The following KIF26B variants were observed in gnomAD, a reference collection of about 807,000 sequenced individuals.
KIF26B encodes the protein kinesin-like protein KIF26B.
In KIF26B, 63 loss-of-function variants were observed where a neutral mutation model predicts 151.2. The ratio of observed to expected loss-of-function variants is 0.42; its 90% CI spans 0.34 to 0.51. KIF26B has a LOEUF of 0.51. Ranked by LOEUF, KIF26B falls within the 20% of genes least tolerant of loss-of-function variation. The pLI is 0.07. For synonymous variants in KIF26B, 1,357 were observed against 1,262.1 expected, an observed-to-expected ratio of 1.08 and a Z score of -1.59; for missense variants, 2,813 against 2,913.6, an observed-to-expected ratio of 0.97 and a Z score of 0.79.
Position 245,708,199 on chromosome 1 carries a change from G to A in KIF26B, c.*5593G>A, listed in dbSNP as rs977498862. The A allele has an allele frequency of 6.6e-6, 1 of 152,228 alleles. No homozygotes were observed. The highest frequency in any genetic ancestry group is 1.5e-5 in the Non-Finnish European group (1 of 68,062). The allele number at this position is 152,228 out of a possible 1,614,324, so 9.4% of individuals were successfully genotyped here. A position where few individuals can be genotyped will look rare whatever the true frequency, so the allele number is the denominator to read the frequency against. ...GCCTCAGGTTCCCGAGTGGAAGACTGGGGGTCAGAACAGCTGCCCTTCTGG... is the reference window on the plus strand; with the variant it reads ...GCCTCAGGTTCCCGAGTGGAAGACTAGGGGTCAGAACAGCTGCCCTTCTGG... On this transcript the variant is annotated 3_prime_UTR_variant, in exon 15 of 15. Transcript: ENST00000407071.
chr1:245,408,544 G>C (rs545504569), intron 3 of KIF26B, among the ~76,000 whole-genome samples: 2 of 151,856 alleles, frequency 1.3e-5, no homozygotes, highest in Non-Finnish European at 2.9e-5. Context: ...TAGTAGAGAC[G>C]GGGTTTCACC....
intron 4 of KIF26B, among the ~76,000 whole-genome samples, chr1:245,487,933 C>T (rs1189802310): frequency 1.3e-5 from 2 of 152,020 alleles, no homozygotes; most frequent in South Asian, 2.1e-4. Context: ...GGATTATAGG[C>T]GCCTGCCACC....
intron 2 of KIF26B, among the ~76,000 whole-genome samples, chr1:245,305,821 C>T (rs564460456): frequency 6.6e-5 from 10 of 151,392 alleles, no homozygotes; most frequent in South Asian, 2.1e-4. Context: ...GCCTGTAGTC[C>T]CAGCTACTCG....
intron 2 of KIF26B, among the ~76,000 whole-genome samples, chr1:245,248,675 T>A (rs1010759858): frequency 6.6e-6 from 1 of 152,204 alleles, no homozygotes; most frequent in African/African-American, 2.4e-5. Context: ...CCTCGTAAAA[T>A]CTCTCTTTAA....
At chr1:245,350,519 C>A (rs1159704642) in intron 2 of KIF26B, among the ~76,000 whole-genome samples, 7 of 152,112 alleles carry the variant, frequency 4.6e-5, no homozygotes, top group Non-Finnish European at 1.0e-4. Flanking sequence ...GGCTGCTGTC[C>A]CCTGAGCAGG....
chr1:245,285,826 A>T (rs1671155868), intron 2 of KIF26B, among the ~76,000 whole-genome samples: 1 of 151,672 alleles, frequency 6.6e-6, no homozygotes, highest in African/African-American at 2.4e-5. Flanking sequence ...CTACCAAAAA[A>T]TTTTTAAAAA....
At chr1:245,655,127 G>A (rs1176398242) in intron 10 of KIF26B, among the ~76,000 whole-genome samples, 2 of 152,118 alleles carry the variant, frequency 1.3e-5, no homozygotes, top group African/African-American at 4.8e-5. Context: ...CTGAGCTGAG[G>A]CCCGGTGAGA....
chr1:245,397,213 AT>A (rs10706858), intron 3 of KIF26B, among the ~76,000 whole-genome samples: 97,213 of 147,996 alleles, frequency 0.66, 31,436 homozygotes, highest in South Asian at 0.71. Context: ...CCACATGTTC[AT>A]TTTTTTTTTT....
At chr1:245,453,674 C>T (rs555174724) in intron 4 of KIF26B, among the ~76,000 whole-genome samples, 121 of 152,082 alleles carry the variant, frequency 8.0e-4, no homozygotes, top group African/African-American at 2.5e-3. Context: ...TGTTATTTGT[C>T]GTAATACTTT....
chr1:245,232,068 A>G (rs964191279), intron 2 of KIF26B, among the ~76,000 whole-genome samples: 10 of 152,252 alleles, frequency 6.6e-5, no homozygotes, highest in Non-Finnish European at 1.0e-4. Context: ...CTACTTTGAA[A>G]GAGGGCTTCA....
intron 2 of KIF26B, among the ~76,000 whole-genome samples, chr1:245,191,804 G>C (rs947872220): frequency 6.6e-6 from 1 of 152,024 alleles, no homozygotes; most frequent in Non-Finnish European, 1.5e-5. Flanking sequence ...TTTGCAAAAG[G>C]GGAAACAAAC....
At chr1:245,277,243 A>G (rs1018905527) in intron 2 of KIF26B, among the ~76,000 whole-genome samples, 12 of 152,200 alleles carry the variant, frequency 7.9e-5, no homozygotes, top group Non-Finnish European at 1.5e-5. Flanking sequence ...GTAATTTGTT[A>G]CAGCAGCCCC....
At chr1:245,578,486 G>T (rs754214958) in intron 5 of KIF26B, among the ~76,000 whole-genome samples, 1 of 152,192 alleles carries the variant, frequency 6.6e-6, no homozygotes, top group African/African-American at 2.4e-5. Context: ...TTTCTCTCCT[G>T]GTCACAGCTG....
At chr1:245,570,728 T>C (rs1428413695) in intron 5 of KIF26B, among the ~76,000 whole-genome samples, 1 of 152,232 alleles carries the variant, frequency 6.6e-6, no homozygotes, top group Non-Finnish European at 1.5e-5. Context: ...CTGTGGATGG[T>C]AGACAATTTG....
At chr1:245,699,062 C>T (rs2044734681) in intron 14 of KIF26B, 25 bp downstream of exon 14, 3 of 1,606,258 alleles carry the variant, frequency 1.9e-6, no homozygotes, top group Non-Finnish European at 2.6e-6. Flanking sequence ...CCTTCCCACC[C>T]TTGTGACTAG....
intron 9 of KIF26B, among the ~76,000 whole-genome samples, chr1:245,641,822 G>A (rs1468598616): frequency 6.6e-6 from 1 of 152,112 alleles, no homozygotes; most frequent in African/African-American, 2.4e-5. Flanking sequence ...CAGTCTTGGT[G>A]CCTTACTTTG....
rs1376333324 is a variant in KIF26B, at chr1:245,167,482, A to G, written c.465+10799A>G. Among the ~76,000 whole-genome samples the G allele has an allele frequency of 1.3e-5, 2 of 152,152 alleles. No homozygotes were observed. Among genetic ancestry groups the G allele is most frequent in the African/African-American group, 4.8e-5 (2 of 41,428 alleles). On this transcript the variant is annotated intron_variant, in intron 2 of 14. Coordinates refer to ENST00000407071, the MANE Select transcript of KIF26B (RefSeq NM_018012.4). The surrounding 1 kb of genome is among the most constrained non-coding windows in gnomAD (Gnocchi z 4.2). Reference sequence around the variant, plus strand: ...TGCTTTCTTTGGGGTTATAATCACTACTTCCCAACCCTTCCTCCACCTAAC... The same window carrying G: ...TGCTTTCTTTGGGGTTATAATCACTGCTTCCCAACCCTTCCTCCACCTAAC...
chr1:245,519,883 T>C (rs144865523), intron 4 of KIF26B, among the ~76,000 whole-genome samples: 44 of 152,322 alleles, frequency 2.9e-4, no homozygotes, highest in Admixed American at 1.4e-3. Flanking sequence ...CGTTATACGG[T>C]GCATGACTGT....
chr1:245,398,952 C>T (rs1039821882), intron 3 of KIF26B, among the ~76,000 whole-genome samples: 3 of 152,088 alleles, frequency 2.0e-5, no homozygotes, highest in African/African-American at 4.8e-5. Flanking sequence ...TGAAGCTCTT[C>T]GATGCATATT....
Sources: gnomAD v4.1 joint callset for allele counts (sites outside exome capture counted in the v4.1 genomes callset) on GRCh38, gnomAD v4.1.1 for gene constraint, Gnocchi (gnomAD v3.1) non-coding constraint, MANE v1.5 for transcripts, NCBI Gene and HGNC (gene_info 2026-07-23, HGNC 2026-07-21) for gene names.